The following SPTBN1 variants were observed in gnomAD, a reference collection of about 807,000 sequenced individuals.
SPTBN1 encodes the protein spectrin beta, non-erythrocytic 1, also known as spectrin beta chain, non-erythrocytic 1.
In SPTBN1, 32 loss-of-function variants were observed where a neutral mutation model predicts 266.4. That is an observed-to-expected ratio of 0.12 (90% CI 0.09 to 0.16). SPTBN1 has a LOEUF of 0.16. SPTBN1 is among the 10% of genes least tolerant of loss of function. SPTBN1 has a pLI of 1.00. For missense variants in SPTBN1, 2,296 were observed against 3,067.1 expected (o/e 0.75, Z 5.94); for synonymous variants, 1,336 against 1,162.2 (o/e 1.15, Z -3.04).
chr2:54,637,532 A>G (rs1436505758), intron 17 of SPTBN1, among the ~76,000 whole-genome samples, 181 bp from the exon 18 acceptor site: 2 of 152,192 alleles, frequency 1.3e-5, no homozygotes. Flanking sequence ...CTCTGGGACC[A>G]TGGCTTACTC....
At chr2:54,537,480 A>G (rs1671681539) in intron 2 of SPTBN1, among the ~76,000 whole-genome samples, 1 of 152,248 alleles carries the variant, frequency 6.6e-6, no homozygotes, top group African/African-American at 2.4e-5. Context: ...CATCAGCTCC[A>G]TCCATCCATA....
intron 1 of SPTBN1, among the ~76,000 whole-genome samples, chr2:54,465,637 C>CATTATATA (rs1433073794): frequency 1.1e-5 from 1 of 89,724 alleles, no homozygotes; most frequent in Non-Finnish European, 2.2e-5. Context: ...TCATGTTTAT[C>CATTATATA]TCATATATAT....
Position 54,631,594 on chromosome 2 carries a change from G to A in SPTBN1, c.3547G>A (p.Ala1183Thr). 1 of 1,611,340 alleles carries A rather than the reference G, an allele frequency of 6.2e-7. No homozygotes were observed. The highest frequency in any genetic ancestry group is 8.5e-7 in the Non-Finnish European group (1 of 1,178,494). Residue 1183 changes from alanine to threonine, a missense_variant, in exon 16 of 36, where the codon GCC (alanine) becomes ACC (threonine). By Grantham distance (58) the Ala-to-Thr change is moderately conservative. This residue lies in a region of SPTBN1 where 386 missense variants were observed against 486.1 expected (regional missense o/e 0.79). Coordinates refer to ENST00000356805, the MANE Select transcript of SPTBN1 (RefSeq NM_003128.3). Reference protein sequence around the residue: ...QFLRDTKQAEAFLNNQEYVLA... With the variant: ...QFLRDTKQAETFLNNQEYVLA... The stretch of plus-strand genomic sequence containing the variant: ...CCTCAGAGACACGAAGCAAGCCGAA[G>A]CCTTTCTTAACAACCAGGTAAGGTT...
chr2:54,612,394 G>T, intron 4 of SPTBN1, 60 bp downstream of exon 4: 1 of 1,527,764 alleles, frequency 6.5e-7, no homozygotes, highest in Non-Finnish European at 8.8e-7. Context: ...TATGAGCATT[G>T]TTATAGAGCT....
At chr2:54,489,424 G>T (rs530374893) in intron 1 of SPTBN1, among the ~76,000 whole-genome samples, 87 of 152,280 alleles carry the variant, frequency 5.7e-4, no homozygotes, top group African/African-American at 2.0e-3. Context: ...TTCTAAGCCG[G>T]ATGTGGTGGC....
intron 17 of SPTBN1, among the ~76,000 whole-genome samples, chr2:54,634,349 C>G (rs190434402): frequency 1.3e-5 from 2 of 152,340 alleles, no homozygotes; most frequent in African/African-American, 4.8e-5. Context: ...GCTTAACCTT[C>G]ATTTTGCCCT....
At chr2:54,458,541 G>A (rs1693192125) in intron 1 of SPTBN1, among the ~76,000 whole-genome samples, 1 of 152,186 alleles carries the variant, frequency 6.6e-6, no homozygotes, top group Admixed American at 6.5e-5. Context: ...TTGTTTATAT[G>A]TATTTTTTGT....
intron 2 of SPTBN1, among the ~76,000 whole-genome samples, chr2:54,589,684 C>T (rs1675540268): frequency 6.6e-6 from 1 of 152,228 alleles, no homozygotes; most frequent in African/African-American, 2.4e-5. Context: ...ACTAGTCCGT[C>T]ACAGGGAGGA....
rs1333348640 is a variant in SPTBN1 at position 54,492,342 on chromosome 2, TTTTTTTG to T, written c.-47-34023_-47-34017del. The stretch of plus-strand genomic sequence containing the variant: ...TGGACATTTAGTTTGTCTGCAGTTG[TTTTTTTG>T]TTTTTTTTTTTTTTTGCTACTATAG... On this transcript the variant is annotated intron_variant, in intron 1 of 35. Coordinates refer to ENST00000356805, the MANE Select transcript of SPTBN1 (RefSeq NM_003128.3). Among the ~76,000 whole-genome samples, 20 of 93,742 alleles carry T rather than the reference TTTTTTTG, an allele frequency of 2.1e-4. 1 individual carries two copies. Among genetic ancestry groups the T allele is most frequent in the Middle Eastern group, 5.2e-3 (1 of 194 alleles). 61.5% of individuals were successfully genotyped at this position (93,742 alleles called of 152,430 possible). A position where few individuals can be genotyped will look rare whatever the true frequency, so the allele number is the denominator to read the frequency against.
At position 54,540,666 on chromosome 2, in the gene SPTBN1, G is replaced by A. The variant is rs1671881998; in HGVS notation, c.148+14100G>A. The A allele has an allele frequency of 6.6e-6, 1 of 152,146 alleles. No homozygotes were observed. The highest frequency in any genetic ancestry group is 2.4e-5 in the African/African-American group (1 of 41,430). The allele number at this position is 152,146 out of a possible 1,614,324, so 9.4% of individuals were successfully genotyped here. On this transcript the variant is annotated intron_variant, in intron 2 of 35. Coordinates refer to ENST00000356805, the MANE Select transcript of SPTBN1 (RefSeq NM_003128.3). The surrounding 1 kb of genome is among the most constrained non-coding windows in gnomAD (Gnocchi z 5.6). Reference sequence around the variant, plus strand: ...TCTCTAAAGAAACTATCTCCCCAAGGTTGGCCTGCAGTTTGCCTGTGTTAT... The same window carrying A: ...TCTCTAAAGAAACTATCTCCCCAAGATTGGCCTGCAGTTTGCCTGTGTTAT...
intron 2 of SPTBN1, among the ~76,000 whole-genome samples, chr2:54,534,165 C>T (rs1295706349): frequency 1.3e-5 from 2 of 152,194 alleles, no homozygotes; most frequent in East Asian, 3.8e-4. Context: ...CACGCCTGGA[C>T]TCATTGTCTA....
chr2:54,604,995 A>G (rs550928274), intron 3 of SPTBN1, among the ~76,000 whole-genome samples: 3 of 152,292 alleles, frequency 2.0e-5, no homozygotes, highest in African/African-American at 4.8e-5. Flanking sequence ...AGAAGTGCAC[A>G]TGTTGCTGTG....
chr2:54,490,937 A>G (rs1012168181), intron 1 of SPTBN1, among the ~76,000 whole-genome samples: 1 of 152,204 alleles, frequency 6.6e-6, no homozygotes, highest in Non-Finnish European at 1.5e-5. Context: ...GAGGCCAGGC[A>G]AAAACTCTTG....
At chr2:54,665,356 A>G (rs1181452992) in intron 33 of SPTBN1, among the ~76,000 whole-genome samples, 5 of 152,234 alleles carry the variant, frequency 3.3e-5, no homozygotes, top group African/African-American at 1.2e-4. Flanking sequence ...CTGGTGTAAT[A>G]CAGGCCGGTG....
intron 32 of SPTBN1, chr2:54,663,054 C>T (rs1043584920): frequency 6.6e-6 from 1 of 152,204 alleles, no homozygotes; most frequent in African/African-American, 2.4e-5. Flanking sequence ...TTGTGATTCT[C>T]CCTCCTTCCA....
intron 3 of SPTBN1, among the ~76,000 whole-genome samples, chr2:54,599,956 A>G (rs1022247084): frequency 6.6e-6 from 1 of 152,202 alleles, no homozygotes; most frequent in Non-Finnish European, 1.5e-5. Context: ...TGGTTTGAAA[A>G]TGGTTGCTGT....
chr2:54,653,353 TC>T lies in SPTBN1; in HGVS notation c.5578-254del, dbSNP rs1201879417. On this transcript the variant is annotated intron_variant, in intron 26 of 35. Coordinates refer to ENST00000356805, the MANE Select transcript of SPTBN1 (RefSeq NM_003128.3). This position sits in a 1 kb window ranked among gnomAD's most constrained non-coding sequence, Gnocchi z 5.1. ...CAGGGGACTTTCCCTGACTAAACTC[TC>T]CTGCCTGTCTTCCTGTAGCATTTCA... 6.5e-6 allele frequency: 3 copies of T among 463,992 alleles called. No homozygotes were observed. The highest frequency in any genetic ancestry group is 1.1e-5 in the Non-Finnish European group (3 of 276,686). 28.7% of individuals were successfully genotyped at this position (463,992 alleles called of 1,614,324 possible).
intron 3 of SPTBN1, among the ~76,000 whole-genome samples, chr2:54,601,840 G>T (rs747419414): frequency 6.6e-6 from 1 of 152,186 alleles, no homozygotes; most frequent in African/African-American, 2.4e-5. Flanking sequence ...TCTGAGTAAA[G>T]TTCAAAGAAA....
At chr2:54,530,006 T>C (rs150072599) in intron 2 of SPTBN1, among the ~76,000 whole-genome samples, 21 of 152,108 alleles carry the variant, frequency 1.4e-4, no homozygotes, top group Non-Finnish European at 2.6e-4. Flanking sequence ...GGAGTGCTAT[T>C]GTGGGGTTTC....
Sources: gnomAD v4.1 joint callset for allele counts (sites outside exome capture counted in the v4.1 genomes callset) on GRCh38, gnomAD v4.1.1 for gene constraint, gnomAD v4.1.1 regional missense constraint, Gnocchi (gnomAD v3.1) non-coding constraint, MANE v1.5 for transcripts, NCBI Gene and HGNC (gene_info 2026-07-23, HGNC 2026-07-21) for gene names.